Variants in GLT1D1 observed in about 807,000 individuals in gnomAD.
The protein encoded by GLT1D1 is glycosyltransferase 1 domain-containing protein 1.
Under a neutral mutation model 28.7 loss-of-function variants are expected in GLT1D1, and 21 were observed. The ratio of observed to expected loss-of-function variants is 0.73; its 90% CI spans 0.52 to 1.05. The LOEUF (loss-of-function observed/expected upper bound fraction) is 1.05. GLT1D1 is among the 50% of genes least tolerant of loss of function. GLT1D1 has a pLI of 0.00. For missense variants in GLT1D1, 343 were observed against 330.6 expected, an observed-to-expected ratio of 1.04 and a Z score of -0.29; for synonymous variants, 147 against 124.8, an observed-to-expected ratio of 1.18 and a Z score of -1.19.
chr12:128,914,108 C>T (rs572125599), intron 4 of GLT1D1, among the ~76,000 whole-genome samples: 28 of 152,146 alleles, frequency 1.8e-4, no homozygotes, highest in South Asian at 1.7e-3. Context: ...ACCAAGATAA[C>T]GTGTTAGACG....
chr12:128,884,470 T>C (rs1272139128), intron 2 of GLT1D1, among the ~76,000 whole-genome samples: 1 of 152,126 alleles, frequency 6.6e-6, no homozygotes, highest in African/African-American at 2.4e-5. Flanking sequence ...CAAGATTTAT[T>C]GTACAGCATG....
chr12:128,863,871 G>A (rs909435506), intron 1 of GLT1D1, among the ~76,000 whole-genome samples: 4 of 151,074 alleles, frequency 2.6e-5, no homozygotes, highest in Admixed American at 1.3e-4. Context: ...GCGTGAACCC[G>A]GGAGGTGGAA....
chr12:128,945,692 GGTTATAA>G (rs1325604018), intron 5 of GLT1D1, among the ~76,000 whole-genome samples: 4 of 152,206 alleles, frequency 2.6e-5, no homozygotes, highest in Non-Finnish European at 4.4e-5. Context: ...TTGGTGTGTT[GGTTATAA>G]GTTGCATTTG....
chr12:128,940,185 T>G (rs965863343), intron 4 of GLT1D1, among the ~76,000 whole-genome samples: 2 of 152,114 alleles, frequency 1.3e-5, no homozygotes, highest in Non-Finnish European at 2.9e-5. Context: ...ATCGTTATTT[T>G]CTTCTAGCAT....
At chr12:128,979,510 A>G (rs1026682600) in intron 7 of GLT1D1, among the ~76,000 whole-genome samples, 7 of 152,058 alleles carry the variant, frequency 4.6e-5, no homozygotes, top group African/African-American at 1.7e-4. Context: ...TGGATGTGTG[A>G]TGGGCTACAT....
intron 4 of GLT1D1, among the ~76,000 whole-genome samples, chr12:128,919,689 T>C (rs1002666907): frequency 3.3e-5 from 5 of 152,240 alleles, no homozygotes; most frequent in African/African-American, 1.2e-4. Flanking sequence ...GCTATTCTGA[T>C]TGGAAGATAG....
intron 1 of GLT1D1, among the ~76,000 whole-genome samples, chr12:128,863,192 A>G (rs993494069): frequency 6.6e-6 from 1 of 152,140 alleles, no homozygotes; most frequent in Non-Finnish European, 1.5e-5. Context: ...ACATGGGAAT[A>G]GGATGGGATG....
At chr12:128,965,299 G>A (rs996327402) in intron 7 of GLT1D1, among the ~76,000 whole-genome samples, 6 of 152,286 alleles carry the variant, frequency 3.9e-5, no homozygotes, top group Admixed American at 6.5e-5. Flanking sequence ...AGCTGGGGGC[G>A]ACCCCTGGTT....
chr12:128,965,798 G>A (rs1308268504), intron 7 of GLT1D1, among the ~76,000 whole-genome samples: 1 of 152,144 alleles, frequency 6.6e-6, no homozygotes, highest in Non-Finnish European at 1.5e-5. Flanking sequence ...GGGAGGCTGA[G>A]GCGGGAGGAC....
chr12:128,917,704 A>G (rs1282956269), intron 4 of GLT1D1, among the ~76,000 whole-genome samples: 1 of 152,250 alleles, frequency 6.6e-6, no homozygotes, highest in Non-Finnish European at 1.5e-5. Context: ...ACATGCAGCC[A>G]AAAAACATAT....
chr12:128,973,128 T>C (rs1879354727), intron 7 of GLT1D1, among the ~76,000 whole-genome samples: 1 of 151,178 alleles, frequency 6.6e-6, no homozygotes, highest in Non-Finnish European at 1.5e-5. Context: ...AGAATCCACA[T>C]ATAGGTAAAA....
chr12:128,901,035 A>G (rs1870198761), intron 4 of GLT1D1, among the ~76,000 whole-genome samples: 2 of 152,174 alleles, frequency 1.3e-5, no homozygotes, highest in Admixed American at 6.5e-5. Context: ...GGACTCTTTC[A>G]GGGCCTCCGC....
chr12:128,896,575 C>G (rs1396899377), intron 3 of GLT1D1, among the ~76,000 whole-genome samples: 1 of 105,098 alleles, frequency 9.5e-6, no homozygotes, highest in Non-Finnish European at 1.9e-5. Flanking sequence ...ATGACACATA[C>G]TTTTTTTTTT....
intron 4 of GLT1D1, chr12:128,927,133 C>A: frequency 6.5e-7 from 1 of 1,535,792 alleles, no homozygotes; most frequent in Non-Finnish European, 8.7e-7. Flanking sequence ...CCAATGTGCA[C>A]CTGGTGATTG....
intron 4 of GLT1D1, among the ~76,000 whole-genome samples, chr12:128,922,234 C>T (rs11615440): frequency 0.57 from 85,941 of 151,370 alleles, 25,859 homozygotes; most frequent in Non-Finnish European, 0.69. Flanking sequence ...GCTTCCTCCC[C>T]TAGTTAAACT....
intron 7 of GLT1D1, among the ~76,000 whole-genome samples, chr12:128,979,385 C>T (rs774014815): frequency 1.3e-4 from 20 of 152,102 alleles, no homozygotes; most frequent in Non-Finnish European, 1.3e-4. Context: ...CTCTAGGGCA[C>T]GGTTGGTGGC....
At chr12:128,946,573 A>G (rs1410100104) in intron 5 of GLT1D1, among the ~76,000 whole-genome samples, 2 of 146,174 alleles carry the variant, frequency 1.4e-5, no homozygotes, top group Admixed American at 1.4e-4. Context: ...TGACCTCGTG[A>G]TCACCCGCTT....
intron 4 of GLT1D1, 96 bp from the exon 9 acceptor site, chr12:128,945,230 G>A (rs552734751): frequency 1.3e-4 from 160 of 1,276,730 alleles, no homozygotes; most frequent in Middle Eastern, 1.9e-4. Flanking sequence ...GGCCCACGCC[G>A]CGCTGGCACC....
intron 2 of GLT1D1, among the ~76,000 whole-genome samples, chr12:128,881,534 GAAAAAAAAAAAAA>G (rs1161429342): frequency 4.2e-4 from 10 of 23,910 alleles, no homozygotes; most frequent in African/African-American, 8.0e-4. Flanking sequence ...ACTCTGTATC[GAAAAAAAAAAAAA>G]AAAAAAAAAA....
Sources: allele counts gnomAD v4.1 joint callset (sites outside exome capture counted in the v4.1 genomes callset), GRCh38; gene constraint gnomAD v4.1.1; transcripts MANE v1.5; gene names NCBI Gene and HGNC (gene_info 2026-07-23, HGNC 2026-07-21).